CZIB: variants seen among roughly 807,000 people sequenced by gnomAD.
CZIB encodes CXXC motif containing zinc binding protein.
A neutral mutation model predicts 28.3 loss-of-function variants in CZIB; 26 were observed. The observed-to-expected ratio is 0.92, with a 90% CI of 0.67 to 1.27. CZIB has a LOEUF of 1.27. CZIB is among the 50% of genes most tolerant of loss of function. The pLI, the probability that CZIB is intolerant of heterozygous loss-of-function variation, is 0.00. For missense variants in CZIB, 179 were observed against 197.3 expected (o/e 0.91, Z 0.56); for synonymous variants, 78 against 71.1 (o/e 1.10, Z -0.49).
chr1:53,215,423 T>C (rs1366039867), intron 7 of CZIB, among the ~76,000 whole-genome samples: 1 of 152,232 alleles, frequency 6.6e-6, no homozygotes, highest in Non-Finnish European at 1.5e-5. Context: ...GCTGCTGTTA[T>C]TAGGTGCTGA....
Position 53,214,701 on chromosome 1 carries a change from A to C in CZIB, c.441T>G (p.Ser147=). 1 of 1,614,148 alleles carries C rather than the reference A, an allele frequency of 6.2e-7. No individual in the cohort carries two copies. The highest frequency in any genetic ancestry group is 2.2e-5 in the East Asian group (1 of 44,886). The change falls in exon 8 of 8, where the codon TCT becomes TCG. Residue 147 remains serine, a synonymous_variant. Transcript: ENST00000294360. The part of the protein sequence containing the change: ...WTDYDEKAQE[S]VGIYEVTHQF... ...GGTGGGTGACCTCATAGATTCCCAC[A>C]GACTCCTGGGCCTTTTCATCATAGT... is the stretch of plus-strand genomic sequence containing the variant.
chr1:53,219,211 G>A (rs181659824), intron 2 of CZIB: 56 of 425,312 alleles, frequency 1.3e-4, no homozygotes, highest in Admixed American at 2.4e-4. Context: ...GGAGGTGAGG[G>A]GGGGGAATAT....
At chr1:53,214,850 A>G in intron 7 of CZIB, 114 bp from the exon 8 acceptor site, 1 of 790,944 alleles carries the variant, frequency 1.3e-6, no homozygotes. Flanking sequence ...AATCATGAAC[A>G]TGTATGACCC....
At chr1:53,216,948 A>AC in intron 5 of CZIB, 89 bp from the exon 6 acceptor site, 1 of 1,164,288 alleles carries the variant, frequency 8.6e-7, no homozygotes, top group Non-Finnish European at 1.3e-6. Context: ...ATGGGCACTT[A>AC]CTGCCCCTGG....
intron 2 of CZIB, 117 bp downstream of exon 2, chr1:53,220,144 A>T (rs1432890218): frequency 6.7e-6 from 6 of 892,108 alleles, no homozygotes; most frequent in Non-Finnish European, 1.0e-5. Flanking sequence ...AACTAGGAAA[A>T]CCCCGAACAC....
intron 7 of CZIB, among the ~76,000 whole-genome samples, chr1:53,215,296 C>T (rs1645463266): frequency 6.6e-6 from 1 of 152,156 alleles, no homozygotes; most frequent in South Asian, 2.1e-4. Context: ...GCTGACATTG[C>T]ACCACTGCAC....
chr1:53,219,676 C>G (rs1645505546), intron 2 of CZIB: 1 of 152,654 alleles, frequency 6.6e-6, no homozygotes, highest in South Asian at 2.0e-4. Context: ...ATTCAGGCTT[C>G]AAAATCCTGG....
At position 53,220,329 on chromosome 1, in the gene CZIB, G is replaced by C. The variant is rs781017439; in HGVS notation, c.22C>G (p.Leu8Val). ...GTGATGTTCTCCAGCGTGGCTTTGAGTTGCAGCGCGATTTTCTGAGGGGGA... is the reference window on the plus strand; with the variant it reads ...GTGATGTTCTCCAGCGTGGCTTTGACTTGCAGCGCGATTTTCTGAGGGGGA... MGKIALQ[L>V]KATLENITNL... Residue 8 changes from leucine (L) to valine (V), a missense_variant, in exon 2 of 8, where the codon CTC becomes GTC. By Grantham distance (32) the Leu-to-Val change is conservative. Transcript: ENST00000294360. The C allele has an allele frequency of 6.2e-7, 1 of 1,613,218 alleles. No individual in the cohort carries two copies. Among genetic ancestry groups the C allele is most frequent in the Non-Finnish European group, 8.5e-7 (1 of 1,179,920 alleles).
At chr1:53,214,807 C>CTT in intron 7 of CZIB, 71 bp from the exon 8 acceptor site, 1 of 1,272,174 alleles carries the variant, frequency 7.9e-7, no homozygotes, top group Non-Finnish European at 1.1e-6. Context: ...AAAACTGGGA[C>CTT]TTAAAAGGCC....
In CZIB at chr1:53,220,229, CCTCCTCTCCCCGGG is replaced by C; in HGVS notation, c.90+18_90+31del. On this transcript the variant is annotated intron_variant, in intron 2 of 7. Coordinates refer to ENST00000294360, the MANE Select transcript of CZIB (RefSeq NM_017887.3). Reference sequence around the variant, plus strand: ...GGTTCAGCACTGAGATCAGGACGGGCCTCCTCTCCCCGGGCCCCGCCCCGGCCGCACCTTCAGGT... The same window carrying C: ...GGTTCAGCACTGAGATCAGGACGGGCCCCCGCCCCGGCCGCACCTTCAGGT... The C allele has an allele frequency of 6.3e-7, 1 of 1,592,210 alleles. No homozygotes were observed. Among genetic ancestry groups the C allele is most frequent in the East Asian group, 2.2e-5 (1 of 44,780 alleles).
chr1:53,218,080 A>G (rs1182851393), intron 5 of CZIB, 92 bp downstream of exon 5: 8 of 1,329,584 alleles, frequency 6.0e-6, no homozygotes, highest in Admixed American at 3.8e-5. Context: ...ATGGCAGGTC[A>G]CTCTGATGCA....
chr1:53,219,304 T>C, intron 2 of CZIB: 1 of 245,564 alleles, frequency 4.1e-6, no homozygotes, highest in Non-Finnish European at 8.0e-6. Context: ...AGGATGACTA[T>C]AGCTGACAAT....
chr1:53,214,719 A>G lies in CZIB; in HGVS notation c.423T>C (p.Asp141=), dbSNP rs374037023. The G allele has an allele frequency of 4.3e-6, 7 of 1,614,034 alleles. No homozygotes were observed. Among genetic ancestry groups the G allele is most frequent in the Non-Finnish European group, 5.1e-6 (6 of 1,180,008 alleles). Reference sequence around the variant, plus strand: ...TTCCCACAGACTCCTGGGCCTTTTCATCATAGTCAGTCCAGTCCTGGGAAA... The same window carrying G: ...TTCCCACAGACTCCTGGGCCTTTTCGTCATAGTCAGTCCAGTCCTGGGAAA... ...NLQEKDWTDY[D]EKAQESVGIY... The change falls in exon 8 of 8, where the codon GAT becomes GAC. Residue 141 remains aspartate, a synonymous_variant. Transcript: ENST00000294360.
chr1:53,220,588 C>T lies in CZIB; in HGVS notation c.-13G>A, dbSNP rs770142888. ...CCCTCACCCCCATGGTAGCCCTCTCCGCCCGGTGCTGGCTGCGGCCCTTGC... is the reference window on the plus strand; with the variant it reads ...CCCTCACCCCCATGGTAGCCCTCTCTGCCCGGTGCTGGCTGCGGCCCTTGC... On this transcript the variant is annotated 5_prime_UTR_variant, in exon 1 of 8. Coordinates refer to ENST00000294360, the MANE Select transcript of CZIB (RefSeq NM_017887.3). 21 of 1,597,428 alleles carry T rather than the reference C, an allele frequency of 1.3e-5. No individual in the cohort carries two copies. The highest frequency in any genetic ancestry group is 1.7e-5 in the Admixed American group (1 of 59,834).
intron 7 of CZIB, 55 bp from the exon 8 acceptor site, chr1:53,214,791 G>A (rs1386588811): frequency 6.6e-7 from 1 of 1,508,172 alleles, no homozygotes; most frequent in Non-Finnish European, 9.2e-7. Context: ...GCCATGTGGA[G>A]AGCAGAAAAC....
At position 53,220,595 on chromosome 1, in the gene CZIB, T is replaced by C. The variant is rs1645518374; in HGVS notation, c.-20A>G. On this transcript the variant is annotated 5_prime_UTR_variant, in exon 1 of 8. Transcript: ENST00000294360. ...CCCCATGGTAGCCCTCTCCGCCCGG[T>C]GCTGGCTGCGGCCCTTGCCGTTGCT... 1.3e-6 allele frequency: 2 copies of C among 1,596,622 alleles called. No individual in the cohort carries two copies. Among genetic ancestry groups the C allele is most frequent in the Non-Finnish European group, 1.7e-6 (2 of 1,178,710 alleles).
chr1:53,215,007 T>C lies in CZIB; in HGVS notation c.406-271A>G, dbSNP rs75251905. 7.1e-4 allele frequency among the ~76,000 whole-genome samples: 108 copies of C among 152,310 alleles called. 1 individual carries two copies. In the East Asian group the frequency reaches 0.02, roughly 28 times the overall value. On this transcript the variant is annotated intron_variant, in intron 7 of 7. Coordinates refer to ENST00000294360, the MANE Select transcript of CZIB (RefSeq NM_017887.3). ...AACAAAAAAAGGACAATGGAGTTCA[T>C]ATTGAATGTTGAAAGAATCAAATGA...
Position 53,214,586 on chromosome 1 carries a change from C to T in CZIB, c.*73G>A. The T allele has an allele frequency of 1.5e-6, 2 of 1,336,280 alleles. No individual in the cohort carries two copies. Among genetic ancestry groups the T allele is most frequent in the Non-Finnish European group, 2.1e-6 (2 of 936,844 alleles). The allele number at this position is 1,336,280 out of a possible 1,614,324, so 82.8% of individuals were successfully genotyped here. On this transcript the variant is annotated 3_prime_UTR_variant, in exon 8 of 8. Coordinates refer to ENST00000294360, the MANE Select transcript of CZIB (RefSeq NM_017887.3). ...AGGAGACAAGGGTCAAAGGAACGAG[C>T]CTCTGTGGGCTCTGCTGCTTAGAGT...
At position 53,220,244 on chromosome 1, in the gene CZIB, C is replaced by T. The variant is rs1645511276; in HGVS notation, c.90+17G>A. 1.9e-6 allele frequency: 3 copies of T among 1,610,158 alleles called. No homozygotes were observed. Among genetic ancestry groups the T allele is most frequent in the Non-Finnish European group, 2.5e-6 (3 of 1,178,144 alleles). ...TCAGGACGGGCCTCCTCTCCCCGGG[C>T]CCCGCCCCGGCCGCACCTTCAGGTA... On this transcript the variant is annotated intron_variant, in intron 2 of 7. Transcript: ENST00000294360.
Sources: gnomAD v4.1 joint callset for allele counts (sites outside exome capture counted in the v4.1 genomes callset) on GRCh38, gnomAD v4.1.1 for gene constraint, MANE v1.5 for transcripts, NCBI Gene and HGNC (gene_info 2026-07-23, HGNC 2026-07-21) for gene names.